THOC7: variants seen among roughly 807,000 people sequenced by gnomAD.
THOC7 encodes the protein THO complex subunit 7, also known as NIF3L1-binding protein 1.
A neutral mutation model predicts 33.1 loss-of-function variants in THOC7; 22 were observed. The ratio of observed to expected loss-of-function variants is 0.66; its 90% CI spans 0.47 to 0.95. THOC7 has a LOEUF of 0.95. THOC7 is among the 40% of genes least tolerant of loss of function. THOC7 has a pLI of 0.00. For synonymous variants in THOC7, 77 were observed against 76.8 expected (o/e 1.00, Z -0.01); for missense variants, 184 against 245.3 (o/e 0.75, Z 1.67).
At chr3:63,859,996 G>T (rs1012034050) in intron 1 of THOC7, among the ~76,000 whole-genome samples, 1 of 152,124 alleles carries the variant, frequency 6.6e-6, no homozygotes, top group Non-Finnish European at 1.5e-5. Flanking sequence ...TTTAGACAGG[G>T]TCTAGCACTG....
chr3:63,835,062 C>A, intron 7 of THOC7, 92 bp downstream of exon 7: 1 of 1,263,288 alleles, frequency 7.9e-7, no homozygotes, highest in Non-Finnish European at 1.1e-6. Flanking sequence ...TGAAGGTATA[C>A]TGTCTCTCCA....
chr3:63,847,195 TA>T (rs532669432), intron 1 of THOC7, among the ~76,000 whole-genome samples: 2 of 152,112 alleles, frequency 1.3e-5, no homozygotes, highest in Non-Finnish European at 2.9e-5. Context: ...CACCCTGTGA[TA>T]AAAAAAGTTC....
At chr3:63,844,423 TC>T (rs1427788226) in intron 1 of THOC7, among the ~76,000 whole-genome samples, 5 of 152,192 alleles carry the variant, frequency 3.3e-5, no homozygotes, top group Non-Finnish European at 7.3e-5. Flanking sequence ...AGTTAACCAT[TC>T]CACAATGTAT....
chr3:63,863,393 C>G, intron 1 of THOC7: 1 of 1,021,664 alleles, frequency 9.8e-7, no homozygotes, highest in Non-Finnish European at 1.2e-6. Flanking sequence ...GTCCTCACCG[C>G]GCCCCTAGAC....
chr3:63,835,103 G>A (rs1575801056), intron 7 of THOC7, 51 bp downstream of exon 7: 1 of 1,563,782 alleles, frequency 6.4e-7, no homozygotes, highest in Non-Finnish European at 8.8e-7. Context: ...ACATCCCTGG[G>A]TCATTTAAAA....
chr3:63,839,861 A>G (rs1437047803), intron 1 of THOC7, 88 bp from the exon 2 acceptor site: 1 of 1,076,386 alleles, frequency 9.3e-7, no homozygotes, highest in Non-Finnish European at 1.4e-6. Context: ...TGTTTATTCA[A>G]AAGAAAATTA....
At chr3:63,842,701 T>TG (rs1701793915) in intron 1 of THOC7, among the ~76,000 whole-genome samples, 1 of 151,922 alleles carries the variant, frequency 6.6e-6, no homozygotes, top group South Asian at 2.1e-4. Flanking sequence ...ATTAAGAAGA[T>TG]GGAGGCTGGG....
In THOC7 at chr3:63,839,885, G is replaced by A. The variant is rs373825164; in HGVS notation, c.20-112C>T. On this transcript the variant is annotated intron_variant, in intron 1 of 7. Transcript: ENST00000295899. The stretch of plus-strand genomic sequence containing the variant: ...AAAAGAAAATTATTGAAATGTAAAT[G>A]CATTTAATGCCACTGAACTGTACAC... 489 of 817,268 alleles carry A rather than the reference G, an allele frequency of 6.0e-4. 4 individuals are homozygous for A. Among genetic ancestry groups the A allele is most frequent in the Non-Finnish European group, 1.2e-4 (64 of 512,026 alleles). The allele number at this position is 817,268 out of a possible 1,614,324, so 50.6% of individuals were successfully genotyped here.
At chr3:63,837,662 C>T (rs1350165161) in intron 4 of THOC7, among the ~76,000 whole-genome samples, 1 of 151,538 alleles carries the variant, frequency 6.6e-6, no homozygotes, top group Non-Finnish European at 1.5e-5. Context: ...TGCTGATTAA[C>T]CATAACATTA....
chr3:63,838,341 A>T, intron 3 of THOC7, 31 bp downstream of exon 3: 2 of 1,375,824 alleles, frequency 1.5e-6, no homozygotes, highest in Non-Finnish European at 2.0e-6. Flanking sequence ...TAAAAAATAA[A>T]ATTACAGATA....
chr3:63,841,988 T>C (rs1200827455), intron 1 of THOC7, among the ~76,000 whole-genome samples: 3 of 152,166 alleles, frequency 2.0e-5, no homozygotes, highest in African/African-American at 7.2e-5. Flanking sequence ...GGATTTCAAA[T>C]GTAAATACAT....
At chr3:63,849,831 TA>T (rs1395297870) in intron 1 of THOC7, among the ~76,000 whole-genome samples, 1 of 152,228 alleles carries the variant, frequency 6.6e-6, no homozygotes, top group Non-Finnish European at 1.5e-5. Flanking sequence ...TAGTTTTCTC[TA>T]ATATCTGGCT....
In THOC7 at chr3:63,863,572, C is replaced by G. The variant is rs537778367; in HGVS notation, c.19+200G>C. 15 of 1,197,276 alleles carry G rather than the reference C, an allele frequency of 1.3e-5. No homozygotes were observed. The East Asian group carries it at 4.9e-4, about 39-fold the overall frequency. 74.2% of individuals were successfully genotyped at this position (1,197,276 alleles called of 1,614,324 possible). On this transcript the variant is annotated intron_variant, in intron 1 of 7. Transcript: ENST00000295899. ...CGAGGGTCTCCGAGGGGCGCTCGGG[C>G]TCTGGCGAGAGGAGGAAGGACTCAG... is the stretch of plus-strand genomic sequence containing the variant.
intron 1 of THOC7, chr3:63,863,441 C>T (rs560975554): frequency 7.1e-6 from 8 of 1,120,978 alleles, no homozygotes; most frequent in Middle Eastern, 3.8e-4. Context: ...GCCCTTGCAC[C>T]GCTTCTAGCC....
intron 1 of THOC7, among the ~76,000 whole-genome samples, chr3:63,843,508 T>C (rs1701814138): frequency 6.6e-6 from 1 of 152,212 alleles, no homozygotes; most frequent in Admixed American, 6.5e-5. Flanking sequence ...AAAATCAGTA[T>C]GTCAAAGAGG....
upstream of THOC7, chr3:63,863,896 G>A (rs1396923904): frequency 3.5e-6 from 4 of 1,131,200 alleles, no homozygotes; most frequent in Non-Finnish European, 4.3e-6. Flanking sequence ...AGCCATGGAG[G>A]AGGAGGCGGC....
rs1702293651 is a variant in THOC7 at position 63,863,585 on chromosome 3, A to C, written c.19+187T>G. On this transcript the variant is annotated intron_variant, in intron 1 of 7. Transcript: ENST00000295899. ...GGGGCGCTCGGGCTCTGGCGAGAGG[A>C]GGAAGGACTCAGGGAAGCAGCCGGG... 3 of 1,197,522 alleles carry C rather than the reference A, an allele frequency of 2.5e-6. No individual in the cohort carries two copies. The South Asian group carries it at 1.3e-4, about 50-fold the overall frequency. The allele number at this position is 1,197,522 out of a possible 1,614,324, so 74.2% of individuals were successfully genotyped here.
At chr3:63,839,176 T>G (rs964468082) in intron 2 of THOC7, among the ~76,000 whole-genome samples, 1 of 152,222 alleles carries the variant, frequency 6.6e-6, no homozygotes, top group Non-Finnish European at 1.5e-5. Flanking sequence ...AACAACAGAA[T>G]GAGACTCTGT....
At chr3:63,859,782 A>G (rs1245124509) in intron 1 of THOC7, among the ~76,000 whole-genome samples, 6 of 152,216 alleles carry the variant, frequency 3.9e-5, no homozygotes, top group Non-Finnish European at 1.5e-5. Flanking sequence ...CGGATCACAC[A>G]TACCACTCAT....
Sources: allele counts gnomAD v4.1 joint callset (sites outside exome capture counted in the v4.1 genomes callset), GRCh38; gene constraint gnomAD v4.1.1; transcripts MANE v1.5; gene names NCBI Gene and HGNC (gene_info 2026-07-23, HGNC 2026-07-21).